Variants in ITGB6 observed in about 807,000 individuals in gnomAD.
ITGB6 encodes integrin subunit beta 6, also known as integrin beta-6.
ITGB6 carries 80 observed loss-of-function variants against 84.5 expected under a neutral mutation model. The ratio of observed to expected loss-of-function variants is 0.95; its 90% CI spans 0.79 to 1.14. The LOEUF (loss-of-function observed/expected upper bound fraction) is 1.14. ITGB6 is among the 50% of genes most tolerant of loss of function. The pLI is 0.00. For missense variants in ITGB6, 1,006 were observed against 968.0 expected, an observed-to-expected ratio of 1.04 and a Z score of -0.52; for synonymous variants, 383 against 354.9, an observed-to-expected ratio of 1.08 and a Z score of -0.89.
intron 7 of ITGB6, among the ~76,000 whole-genome samples, chr2:160,157,971 C>T (rs1456483005): frequency 6.6e-6 from 1 of 152,102 alleles, no homozygotes; most frequent in Non-Finnish European, 1.5e-5. Context: ...TTCTCACGTT[C>T]ATTATCAGTA....
At chr2:160,148,179 G>A (rs548077294) in intron 7 of ITGB6, among the ~76,000 whole-genome samples, 5 of 152,306 alleles carry the variant, frequency 3.3e-5, no homozygotes, top group African/African-American at 4.8e-5. Flanking sequence ...AGAAGATACA[G>A]AGATGGCAAA....
At chr2:160,137,964 T>C in intron 9 of ITGB6, 101 bp downstream of exon 9, 1 of 1,528,068 alleles carries the variant, frequency 6.5e-7, no homozygotes, top group Non-Finnish European at 8.8e-7. Context: ...TCTTTGAAAA[T>C]TGCTTTTAAA....
At position 160,113,174 on chromosome 2, in the gene ITGB6, A is replaced by G. The variant is rs541450002; in HGVS notation, c.1982-975T>C. On this transcript the variant is annotated intron_variant, in intron 12 of 14. Transcript: ENST00000283249. ...GTGTGTTATGCTACAATGGATCAGA[A>G]CATTAAAACTGGGGCTGCCCCTGAT... 7.2e-4 allele frequency among the ~76,000 whole-genome samples: 110 copies of G among 152,354 alleles called. 1 individual carries two copies. The highest frequency in any genetic ancestry group is 4.1e-4 in the Non-Finnish European group (28 of 68,022).
intron 7 of ITGB6, among the ~76,000 whole-genome samples, chr2:160,152,141 CA>C (rs1390671580): frequency 6.6e-6 from 1 of 151,894 alleles, no homozygotes; most frequent in Non-Finnish European, 1.5e-5. Context: ...AGAGACACAA[CA>C]AAAAAAGAGA....
chr2:160,155,910 CT>C (rs1684606692), intron 7 of ITGB6, among the ~76,000 whole-genome samples: 1 of 152,118 alleles, frequency 6.6e-6, no homozygotes, highest in African/African-American at 2.4e-5. Context: ...ACTAGAATGG[CT>C]AAAATTACAA....
intron 14 of ITGB6, among the ~76,000 whole-genome samples, chr2:160,106,838 C>T (rs1250213640): frequency 6.6e-6 from 1 of 152,146 alleles, no homozygotes; most frequent in Non-Finnish European, 1.5e-5. Context: ...TTTGGGCGGA[C>T]AAATCCAAAG....
intron 7 of ITGB6, among the ~76,000 whole-genome samples, chr2:160,164,124 A>G (rs1684917131): frequency 6.6e-6 from 1 of 152,202 alleles, no homozygotes. Flanking sequence ...TCCAGAACAC[A>G]ACTCTAAAAT....
At chr2:160,173,125 C>T (rs1685281236) in intron 5 of ITGB6, among the ~76,000 whole-genome samples, 1 of 152,122 alleles carries the variant, frequency 6.6e-6, no homozygotes, top group South Asian at 2.1e-4. Context: ...GTTAAAGGGG[C>T]TCAGAGTAAG....
At chr2:160,195,752 G>A (rs891033427) in intron 3 of ITGB6, 137 bp from the exon 4 acceptor site, 2 of 985,518 alleles carry the variant, frequency 2.0e-6, no homozygotes, top group East Asian at 5.2e-5. Flanking sequence ...TAACTGTGTG[G>A]TCAAGATCCT....
intron 4 of ITGB6, among the ~76,000 whole-genome samples, chr2:160,175,331 C>T (rs1027345352): frequency 6.6e-6 from 1 of 152,130 alleles, no homozygotes; most frequent in Non-Finnish European, 1.5e-5. Flanking sequence ...TTTGTTACTC[C>T]CTAATTAATA....
chr2:160,135,359 C>T (rs918294851), intron 10 of ITGB6, among the ~76,000 whole-genome samples: 7 of 150,494 alleles, frequency 4.7e-5, no homozygotes, highest in African/African-American at 1.5e-4. Flanking sequence ...ATGTGAAGGA[C>T]CTCTTCAAGG....
chr2:160,137,348 C>T, intron 10 of ITGB6, 86 bp downstream of exon 10: 1 of 1,286,064 alleles, frequency 7.8e-7, no homozygotes, highest in Non-Finnish European at 1.1e-6. Context: ...CTACTGTGCC[C>T]AGGAAACTGG....
chr2:160,166,609 A>G (rs2105859866), intron 7 of ITGB6, among the ~76,000 whole-genome samples: 1 of 152,270 alleles, frequency 6.6e-6, no homozygotes, highest in East Asian at 1.9e-4. Flanking sequence ...ACTTTTTTTT[A>G]ACTTGGGTAA....
Position 160,200,260 on chromosome 2 carries a change from G to A in ITGB6, c.-197C>T. The A allele has an allele frequency of 1.9e-6, 1 of 526,600 alleles. No homozygotes were observed. The highest frequency in any genetic ancestry group is 2.6e-5 in the South Asian group (1 of 37,794). 32.6% of individuals were successfully genotyped at this position (526,600 alleles called of 1,614,324 possible). ...ACTGAAATGAAAACAGAGGCTACCT[G>A]GACAGGTAAAGCAGAAAAGCTGTGT... On this transcript the variant is annotated 5_prime_UTR_variant, in exon 1 of 15. Transcript: ENST00000283249.
At chr2:160,171,259 A>G (rs1039432896) in intron 6 of ITGB6, among the ~76,000 whole-genome samples, 5 of 151,836 alleles carry the variant, frequency 3.3e-5, no homozygotes, top group Non-Finnish European at 5.9e-5. Flanking sequence ...AATTCTCTGT[A>G]CCATATTTCC....
chr2:160,181,089 C>G (rs189098199), intron 4 of ITGB6, among the ~76,000 whole-genome samples: 64 of 152,250 alleles, frequency 4.2e-4, no homozygotes, highest in Middle Eastern at 3.4e-3. Context: ...AGCTAGCTGC[C>G]GGAGTTTTTT....
chr2:160,168,330 C>T (rs1167189148), intron 7 of ITGB6, among the ~76,000 whole-genome samples: 2 of 152,072 alleles, frequency 1.3e-5, no homozygotes, highest in Non-Finnish European at 2.9e-5. Context: ...TTTCAGAAGC[C>T]CTGTGAAGTC....
intron 10 of ITGB6, among the ~76,000 whole-genome samples, chr2:160,127,393 T>G (rs1683282390): frequency 6.6e-6 from 1 of 152,214 alleles, no homozygotes; most frequent in African/African-American, 2.4e-5. Flanking sequence ...TACTCCCTTC[T>G]ATTGATTCCA....
chr2:160,114,115 T>C (rs376788909), intron 12 of ITGB6, among the ~76,000 whole-genome samples: 2 of 152,240 alleles, frequency 1.3e-5, no homozygotes, highest in Non-Finnish European at 2.9e-5. Flanking sequence ...AGAGGCTTAC[T>C]TGACCTGGTC....
Sources: allele counts gnomAD v4.1 joint callset (sites outside exome capture counted in the v4.1 genomes callset), GRCh38; gene constraint gnomAD v4.1.1; transcripts MANE v1.5; gene names NCBI Gene and HGNC (gene_info 2026-07-23, HGNC 2026-07-21).